TNR: variants seen among roughly 807,000 people sequenced by gnomAD.
TNR encodes tenascin-R.
A neutral mutation model predicts 150.4 loss-of-function variants in TNR; 45 were observed. The observed-to-expected ratio is 0.30, with a 90% CI of 0.24 to 0.38. The LOEUF is 0.38. Ranked by LOEUF, TNR falls within the 10% of genes least tolerant of loss-of-function variation. The pLI is 1.00. For missense variants in TNR, 1,544 were observed against 1,759.1 expected, an observed-to-expected ratio of 0.88 and a Z score of 2.19; for synonymous variants, 687 against 678.4, an observed-to-expected ratio of 1.01 and a Z score of -0.20.
At chr1:175,707,440 A>G (rs1015131864) in intron 1 of TNR, among the ~76,000 whole-genome samples, 2 of 152,204 alleles carry the variant, frequency 1.3e-5, no homozygotes, top group Non-Finnish European at 1.5e-5. Context: ...ACAAACAAAA[A>G]CAAAATCAAA....
At chr1:175,326,957 C>A (rs1444145916) in intron 21 of TNR, among the ~76,000 whole-genome samples, 1 of 151,596 alleles carries the variant, frequency 6.6e-6, no homozygotes, top group Non-Finnish European at 1.5e-5. Context: ...TGAGCCCAGC[C>A]CTTTTACTTC....
intron 1 of TNR, among the ~76,000 whole-genome samples, chr1:175,657,754 A>G (rs1179161621): frequency 1.0e-5 from 1 of 96,126 alleles, no homozygotes; most frequent in Non-Finnish European, 1.9e-5. Context: ...GGAACATCAC[A>G]CACTGGGGCC....
intron 2 of TNR, among the ~76,000 whole-genome samples, chr1:175,511,392 C>G (rs1036464195): frequency 6.6e-6 from 1 of 152,170 alleles, no homozygotes; most frequent in Non-Finnish European, 1.5e-5. Flanking sequence ...TAGGAAAATA[C>G]ACTTTTAGAA....
chr1:175,330,026 T>C, intron 21 of TNR, 48 bp downstream of exon 21: 1 of 1,448,956 alleles, frequency 6.9e-7, no homozygotes, highest in African/African-American at 1.4e-5. Flanking sequence ...CTGGGGGCTC[T>C]TGTCCCATGC....
intron 1 of TNR, among the ~76,000 whole-genome samples, chr1:175,532,550 T>C (rs1211718351): frequency 6.6e-6 from 1 of 152,238 alleles, no homozygotes; most frequent in East Asian, 1.9e-4. Context: ...AGTTCATGAA[T>C]TCTCCATTTA....
chr1:175,499,629 T>C (rs2102147830), intron 2 of TNR, among the ~76,000 whole-genome samples: 1 of 152,296 alleles, frequency 6.6e-6, no homozygotes. Flanking sequence ...CTGACTAGGT[T>C]TTTCTGGGGA....
intron 2 of TNR, among the ~76,000 whole-genome samples, chr1:175,494,862 G>T (rs1658415352): frequency 6.6e-6 from 1 of 152,106 alleles, no homozygotes; most frequent in African/African-American, 2.4e-5. Context: ...GATGGCACAC[G>T]GTTCTTAGTG....
At chr1:175,416,547 A>C (rs987770017) in intron 2 of TNR, among the ~76,000 whole-genome samples, 1 of 152,164 alleles carries the variant, frequency 6.6e-6, no homozygotes. Flanking sequence ...CTGTTCAATT[A>C]TTCTTCTTGA....
chr1:175,374,920 C>A (rs1168100713), intron 9 of TNR, among the ~76,000 whole-genome samples: 2 of 152,176 alleles, frequency 1.3e-5, no homozygotes, highest in South Asian at 4.1e-4. Flanking sequence ...TGAGGGAAGA[C>A]CAGGTGAGAG....
At chr1:175,400,111 A>G (rs1261734905) in intron 4 of TNR, among the ~76,000 whole-genome samples, 1 of 152,220 alleles carries the variant, frequency 6.6e-6, no homozygotes, top group Non-Finnish European at 1.5e-5. Flanking sequence ...ACTAACCACC[A>G]TCACTGGGGA....
chr1:175,427,203 C>T (rs1184965315), intron 2 of TNR, among the ~76,000 whole-genome samples: 1 of 151,412 alleles, frequency 6.6e-6, no homozygotes, highest in Non-Finnish European at 1.5e-5. Context: ...TAACAACCCA[C>T]AGCTCAAAAA....
chr1:175,403,035 TA>T, intron 4 of TNR, 104 bp downstream of exon 4: 1 of 1,020,068 alleles, frequency 9.8e-7, no homozygotes, highest in Non-Finnish European at 1.5e-6. Context: ...TTATTTTGCC[TA>T]AACTTCACTT....
chr1:175,500,607 G>A (rs1407121542), intron 2 of TNR, among the ~76,000 whole-genome samples: 5 of 152,202 alleles, frequency 3.3e-5, no homozygotes, highest in Non-Finnish European at 7.3e-5. Context: ...CTAGAGTTTT[G>A]TTTTAAAAGC....
intron 9 of TNR, among the ~76,000 whole-genome samples, chr1:175,377,321 T>C (rs1406688862): frequency 6.6e-6 from 1 of 152,176 alleles, no homozygotes; most frequent in Admixed American, 6.5e-5. Context: ...TTTCTATCTC[T>C]CTCATGATGT....
rs370406157 is a variant in TNR, at chr1:175,330,075, C to T, written c.3792G>A (p.Ala1264=). The T allele has an allele frequency of 2.5e-4, 399 of 1,578,980 alleles. No homozygotes were observed. The highest frequency in any genetic ancestry group is 3.4e-4 in the East Asian group (15 of 44,120). ...GGTCTGCTCAGGAGCCATAGGTACC[C>T]GCAGTGCCGTTGTAGCTTCCTATGC... ...KLRIGSYNGT[A]GDSLSYHQGR... is the part of the protein sequence containing the mutation. The change falls in exon 21 of 23, where the codon GCG becomes GCA. Residue 1264 remains alanine, a splice_region_variant and synonymous_variant. Coordinates refer to ENST00000367674, the MANE Select transcript of TNR (RefSeq NM_003285.3).
chr1:175,403,595 T>A lies in TNR; in HGVS notation c.521A>T (p.His174Leu), dbSNP rs758712287. Residue 174 changes from histidine (H) to leucine (L), a missense_variant, in exon 4 of 23, where the codon CAC (histidine) becomes CTC (leucine). This residue lies in a region of TNR where 1,254 missense variants were observed against 1,329.4 expected (regional missense o/e 0.94). Transcript: ENST00000367674. ...AATGQLDYIP[H>L]CSGHGNFSFE... is the part of the protein sequence containing the mutation. The stretch of plus-strand genomic sequence containing the variant: ...GCTAAAGTTGCCGTGGCCACTGCAG[T>A]GAGGGATATAGTCCAGTTGTCCTGG... The A allele has an allele frequency of 6.4e-5, 104 of 1,613,242 alleles. No homozygotes were observed. Among genetic ancestry groups the A allele is most frequent in the Admixed American group, 2.8e-4 (17 of 59,972 alleles).
At chr1:175,443,861 C>G (rs1374142054) in intron 2 of TNR, among the ~76,000 whole-genome samples, 1 of 152,144 alleles carries the variant, frequency 6.6e-6, no homozygotes, top group Non-Finnish European at 1.5e-5. Flanking sequence ...CTAAAACCTT[C>G]AGAAAATTTT....
intron 1 of TNR, among the ~76,000 whole-genome samples, chr1:175,559,108 A>G (rs1051706205): frequency 6.6e-6 from 1 of 152,224 alleles, no homozygotes; most frequent in African/African-American, 2.4e-5. Context: ...TTTTTTAAAA[A>G]AATTTCACTA....
At chr1:175,736,049 G>A (rs755036234) in intron 1 of TNR, among the ~76,000 whole-genome samples, 6 of 152,144 alleles carry the variant, frequency 3.9e-5, no homozygotes, top group Admixed American at 2.0e-4. Context: ...TATAAAATTC[G>A]GGTCAACCCA....
Sources: allele counts gnomAD v4.1 joint callset (sites outside exome capture counted in the v4.1 genomes callset), GRCh38; gene constraint gnomAD v4.1.1; regional missense constraint gnomAD v4.1.1; transcripts MANE v1.5; gene names NCBI Gene and HGNC (gene_info 2026-07-23, HGNC 2026-07-21).